CD22: variants seen among roughly 807,000 people sequenced by gnomAD.
CD22 encodes the protein CD22 molecule, also known as B-cell receptor CD22.
A neutral mutation model predicts 94.7 loss-of-function variants in CD22; 51 were observed. The observed-to-expected ratio is 0.54, with a 90% CI of 0.43 to 0.68. The LOEUF (loss-of-function observed/expected upper bound fraction) is 0.68. CD22 is among the 30% of genes least tolerant of loss of function. CD22 has a pLI of 0.00. For missense variants in CD22, 931 were observed against 1,060.4 expected, an observed-to-expected ratio of 0.88 and a Z score of 1.69; for synonymous variants, 424 against 422.5, an observed-to-expected ratio of 1.00 and a Z score of -0.04.
intron 12 of CD22, 101 bp downstream of exon 12, chr19:35,345,821 C>A: frequency 1.2e-6 from 1 of 831,236 alleles, no homozygotes; most frequent in Non-Finnish European, 2.0e-6. Flanking sequence ...ATGCCAGGCA[C>A]CCTGATACAT....
At chr19:35,333,249 C>A (rs1348501110) in intron 3 of CD22, among the ~76,000 whole-genome samples, 1 of 152,200 alleles carries the variant, frequency 6.6e-6, no homozygotes, top group Non-Finnish European at 1.5e-5. Flanking sequence ...ACCATCCAAG[C>A]ACCGCATTCC....
intron 12 of CD22, among the ~76,000 whole-genome samples, 184 bp from the exon 13 acceptor site, chr19:35,345,967 C>A (rs1237644321): frequency 6.6e-6 from 1 of 152,216 alleles, no homozygotes; most frequent in Non-Finnish European, 1.5e-5. Flanking sequence ...TGATACACAC[C>A]CACGCCTACT....
intron 9 of CD22, among the ~76,000 whole-genome samples, chr19:35,343,588 C>T (rs577190389): frequency 6.6e-6 from 1 of 152,236 alleles, no homozygotes; most frequent in East Asian, 1.9e-4. Flanking sequence ...CACAGAGTGT[C>T]TAAAGTCTGG....
chr19:35,338,485 G>A (rs988438079), intron 6 of CD22, 54 bp downstream of exon 6: 26 of 1,565,124 alleles, frequency 1.7e-5, no homozygotes, highest in South Asian at 3.6e-5. Context: ...CACAGGGAAC[G>A]GGGAAGGCAG....
At chr19:35,333,998 T>C (rs1330239517) in intron 3 of CD22, among the ~76,000 whole-genome samples, 1 of 152,156 alleles carries the variant, frequency 6.6e-6, no homozygotes, top group East Asian at 1.9e-4. Context: ...GAGCTCCCGA[T>C]GCGTAGTCAG....
chr19:35,333,944 T>G (rs2066681472), intron 3 of CD22, among the ~76,000 whole-genome samples: 1 of 152,170 alleles, frequency 6.6e-6, no homozygotes, highest in Admixed American at 6.5e-5. Context: ...CATGAGCTCT[T>G]CAAGGTCAGA....
chr19:35,340,208 G>A (rs535674281), intron 6 of CD22, among the ~76,000 whole-genome samples: 14 of 152,074 alleles, frequency 9.2e-5, no homozygotes, highest in Non-Finnish European at 2.1e-4. Context: ...CTGCTCTAAG[G>A]GAGTCATCTC....
At chr19:35,342,091 CCCT>C (rs965999690) in intron 9 of CD22, 126 bp downstream of exon 9, 26 of 824,762 alleles carry the variant, frequency 3.2e-5, no homozygotes, top group Middle Eastern at 3.2e-4. Flanking sequence ...CCTCTTCTTC[CCCT>C]CCTCCTCCTC....
At chr19:35,339,353 C>T (rs117781836) in intron 6 of CD22, among the ~76,000 whole-genome samples, 13 of 148,864 alleles carry the variant, frequency 8.7e-5, no homozygotes, top group African/African-American at 2.2e-4. Context: ...CTTGAGGCCA[C>T]GAGTTCAAGC....
In CD22 at chr19:35,341,265, G is replaced by A. The variant is rs2066803566; in HGVS notation, c.1508-78G>A. 1.9e-6 allele frequency: 3 copies of A among 1,595,526 alleles called. No homozygotes were observed. The highest frequency in any genetic ancestry group is 1.1e-5 in the South Asian group (1 of 89,132). Reference sequence around the variant, plus strand: ...TTGAGGGACAGGAGCCTGGCGTCAGGGCCAAGGGGAGGGGAGGCCTGGGGA... The same window carrying A: ...TTGAGGGACAGGAGCCTGGCGTCAGAGCCAAGGGGAGGGGAGGCCTGGGGA... On this transcript the variant is annotated intron_variant, in intron 7 of 13. Transcript: ENST00000085219. This position sits in a 1 kb window ranked among gnomAD's most constrained non-coding sequence, Gnocchi z 4.0.
Position 35,346,720 on chromosome 19 carries a change from G to A in CD22, c.*23G>A, listed in dbSNP as rs1328802050. 9 of 1,581,884 alleles carry A rather than the reference G, an allele frequency of 5.7e-6. No homozygotes were observed. The highest frequency in any genetic ancestry group is 6.9e-6 in the Non-Finnish European group (8 of 1,161,670). ...TGACACTGGATGGGCTGCAGCAGAG[G>A]CACTGGGGGCAGCGGGGGCCAGGGA... On this transcript the variant is annotated 3_prime_UTR_variant, in exon 14 of 14. Transcript: ENST00000085219.
chr19:35,333,699 A>C (rs1052136451), intron 3 of CD22, among the ~76,000 whole-genome samples: 37 of 152,116 alleles, frequency 2.4e-4, no homozygotes, highest in Non-Finnish European at 5.9e-5. Context: ...TCACAGGTGC[A>C]TGCCACCATG....
rs1220701968 is a variant in CD22, at chr19:35,332,750, A to G, written c.238A>G (p.Thr80Ala). Residue 80 changes from threonine to alanine, a missense_variant, in exon 3 of 14, where the codon ACA becomes GCA. Thr to Ala is a moderately conservative substitution (Grantham distance 58). Coordinates refer to ENST00000085219, the MANE Select transcript of CD22 (RefSeq NM_001771.4). ...TGATGGGACAAGACTCTATGAAAGCACAAAGGATGGGAAGGTTCCTTCTGA... is the reference window on the plus strand; with the variant it reads ...TGATGGGACAAGACTCTATGAAAGCGCAAAGGATGGGAAGGTTCCTTCTGA... ...KFDGTRLYES[T>A]KDGKVPSEQK... is the part of the protein sequence containing the mutation. 1.2e-6 allele frequency: 2 copies of G among 1,614,220 alleles called. No homozygotes were observed. The highest frequency in any genetic ancestry group is 2.2e-5 in the East Asian group (1 of 44,878).
chr19:35,342,107 CCT>C (rs918851677), intron 9 of CD22, 142 bp downstream of exon 9: 5 of 675,464 alleles, frequency 7.4e-6, no homozygotes, highest in African/African-American at 5.5e-5. Context: ...TCCTCCTCTT[CCT>C]CCTTCTTCTT....
At position 35,338,125 on chromosome 19, in the gene CD22, G is replaced by A. The variant is rs754704076; in HGVS notation, c.986-43G>A. The A allele has an allele frequency of 4.4e-6, 7 of 1,583,028 alleles. No individual in the cohort carries two copies. In the South Asian group the frequency reaches 8.3e-5, roughly 19 times the overall value. ...TCGGGGCCGTGTGCACAGGTTGGGG[G>A]TGCTCTCCTCACCCCTCCACTCGCC... On this transcript the variant is annotated intron_variant, in intron 5 of 13. Transcript: ENST00000085219.
chr19:35,332,701 G>A lies in CD22; in HGVS notation c.189G>A (p.Glu63=), dbSNP rs61741050. Reference sequence around the variant, plus strand: ...GCTTCATCCTGTTCCACAATCCTGAGTATAACAAGAACACCTCGAAGTTTG... The same window carrying A: ...GCTTCATCCTGTTCCACAATCCTGAATATAACAAGAACACCTCGAAGTTTG... The part of the protein sequence containing the change: ...LESFILFHNP[E]YNKNTSKFDG... Residue 63 remains glutamate (E), a synonymous_variant, in exon 3 of 14, where the codon GAG becomes GAA. Coordinates refer to ENST00000085219, the MANE Select transcript of CD22 (RefSeq NM_001771.4). 1.5e-3 allele frequency: 2,421 copies of A among 1,614,102 alleles called. 30 individuals carry two copies. The African/African-American group carries it at 0.028, about 18-fold the overall frequency.
chr19:35,331,086 T>A (rs570234005), intron 1 of CD22: 1 of 152,248 alleles, frequency 6.6e-6, no homozygotes, highest in African/African-American at 2.4e-5. Flanking sequence ...CACGCCTGGC[T>A]AATTTTTTGC....
At chr19:35,344,732 T>C in intron 9 of CD22, 97 bp from the exon 10 acceptor site, 1 of 850,978 alleles carries the variant, frequency 1.2e-6, no homozygotes, top group Non-Finnish European at 1.9e-6. Flanking sequence ...GAAGGACGAG[T>C]CTGGCTGCAG....
At chr19:35,345,448 GT>G in intron 11 of CD22, 153 bp from the exon 12 acceptor site, 1 of 565,062 alleles carries the variant, frequency 1.8e-6, no homozygotes, top group South Asian at 2.4e-5. Context: ...AAAAAAAAGG[GT>G]AGGCATGAGG....
Sources: gnomAD v4.1 joint callset for allele counts (sites outside exome capture counted in the v4.1 genomes callset) on GRCh38, gnomAD v4.1.1 for gene constraint, Gnocchi (gnomAD v3.1) non-coding constraint, MANE v1.5 for transcripts, NCBI Gene and HGNC (gene_info 2026-07-23, HGNC 2026-07-21) for gene names.